GRM3: variants seen among roughly 807,000 people sequenced by gnomAD.
GRM3 encodes the protein glutamate metabotropic receptor 3.
Under a neutral mutation model 70.5 loss-of-function variants are expected in GRM3, and 26 were observed. The ratio of observed to expected loss-of-function variants is 0.37; its 90% CI spans 0.27 to 0.51. GRM3 has a LOEUF of 0.51. GRM3 is among the 20% of genes least tolerant of loss of function. The pLI, the probability that GRM3 is intolerant of heterozygous loss-of-function variation, is 0.93. For synonymous variants in GRM3, 443 were observed against 434.9 expected, an observed-to-expected ratio of 1.02 and a Z score of -0.23; for missense variants, 859 against 1,123.8, an observed-to-expected ratio of 0.76 and a Z score of 3.37.
chr7:86,714,878 A>G (rs894189595), intron 1 of GRM3, among the ~76,000 whole-genome samples: 23 of 151,994 alleles, frequency 1.5e-4, no homozygotes, highest in African/African-American at 5.3e-4. Flanking sequence ...AAATTATAAA[A>G]AGAGCTCGAT....
chr7:86,678,649 A>C (rs1184511578), intron 1 of GRM3, among the ~76,000 whole-genome samples: 1 of 152,084 alleles, frequency 6.6e-6, no homozygotes, highest in Non-Finnish European at 1.5e-5. Flanking sequence ...CATAGCAATT[A>C]GGAAAGGTGA....
chr7:86,857,764 T>C (rs1410860010), intron 5 of GRM3, among the ~76,000 whole-genome samples: 1 of 152,068 alleles, frequency 6.6e-6, no homozygotes, highest in African/African-American at 2.4e-5. Context: ...CATATTTTGA[T>C]AGAAAAGAGG....
intron 2 of GRM3, among the ~76,000 whole-genome samples, chr7:86,776,378 C>T (rs760853387): frequency 7.2e-5 from 11 of 152,100 alleles, no homozygotes; most frequent in Non-Finnish European, 1.5e-4. Context: ...TGCTTCAATA[C>T]CATTTGCTTC....
intron 1 of GRM3, among the ~76,000 whole-genome samples, chr7:86,741,973 A>T (rs1796001163): frequency 6.6e-6 from 1 of 151,198 alleles, no homozygotes; most frequent in Non-Finnish European, 1.5e-5. Flanking sequence ...AATGGCTTAA[A>T]ATGATACATT....
At chr7:86,820,233 T>C (rs891251339) in intron 3 of GRM3, among the ~76,000 whole-genome samples, 1 of 152,052 alleles carries the variant, frequency 6.6e-6, no homozygotes, top group Non-Finnish European at 1.5e-5. Flanking sequence ...AAACCAAATA[T>C]CGAATGGTTT....
chr7:86,847,963 A>G (rs1798687215), intron 4 of GRM3, among the ~76,000 whole-genome samples: 2 of 152,158 alleles, frequency 1.3e-5, no homozygotes, highest in South Asian at 2.1e-4. Context: ...TGCTCCTTCC[A>G]TTATCTCTTC....
chr7:86,791,120 A>T (rs549096569), intron 3 of GRM3, among the ~76,000 whole-genome samples: 3 of 152,264 alleles, frequency 2.0e-5, no homozygotes, highest in African/African-American at 7.2e-5. Flanking sequence ...ACCCAAACTT[A>T]CGTTTTCTTC....
chr7:86,864,571 G>T lies in GRM3; in HGVS notation c.*216G>T. The T allele has an allele frequency of 1.1e-5, 4 of 351,888 alleles. No individual in the cohort carries two copies. Among genetic ancestry groups the T allele is most frequent in the African/African-American group, 2.3e-5 (1 of 43,186 alleles). 21.8% of individuals were successfully genotyped at this position (351,888 alleles called of 1,614,324 possible). A position where few individuals can be genotyped will look rare whatever the true frequency, so the allele number is the denominator to read the frequency against. ...TTATTAACAATTCCCCCAGAACATGGAAATAACCATTGTTTACAGAGCTGA... is the reference window on the plus strand; with the variant it reads ...TTATTAACAATTCCCCCAGAACATGTAAATAACCATTGTTTACAGAGCTGA... On this transcript the variant is annotated 3_prime_UTR_variant, in exon 6 of 6. Coordinates refer to ENST00000361669, the MANE Select transcript of GRM3 (RefSeq NM_000840.3).
intron 3 of GRM3, among the ~76,000 whole-genome samples, chr7:86,838,074 G>T (rs1039297561): frequency 8.5e-5 from 13 of 152,116 alleles, no homozygotes; most frequent in African/African-American, 2.9e-4. Flanking sequence ...AAAGAGACAG[G>T]GTTGAGGGTG....
chr7:86,696,838 T>C (rs892701643), intron 1 of GRM3, among the ~76,000 whole-genome samples: 14 of 152,122 alleles, frequency 9.2e-5, no homozygotes, highest in Admixed American at 2.6e-4. Context: ...CTTAAACCCA[T>C]TGTACAGATG....
intron 1 of GRM3, among the ~76,000 whole-genome samples, chr7:86,702,457 C>T (rs1480225819): frequency 6.6e-6 from 1 of 151,992 alleles, no homozygotes; most frequent in East Asian, 1.9e-4. Context: ...ACAGAAAACA[C>T]AGGGTTATCA....
At chr7:86,864,244 GACTA>G (rs1799018852) in intron 5 of GRM3, 34 bp from the exon 6 acceptor site, 2 of 1,015,970 alleles carry the variant, frequency 2.0e-6, no homozygotes, top group South Asian at 2.5e-5. Context: ...TGTCCCACTT[GACTA>G]ACTTTGAGTT....
intron 4 of GRM3, among the ~76,000 whole-genome samples, chr7:86,844,689 A>G (rs988142995): frequency 7.2e-5 from 11 of 152,114 alleles, no homozygotes; most frequent in African/African-American, 2.7e-4. Context: ...AACAATGGAG[A>G]TGGTTAGAAG....
intron 1 of GRM3, among the ~76,000 whole-genome samples, chr7:86,658,986 T>C (rs1488712776): frequency 2.6e-5 from 4 of 152,182 alleles, no homozygotes; most frequent in African/African-American, 9.7e-5. Context: ...TATCTGTTCA[T>C]CTTAAGCCAT....
rs2116541028 is a variant in GRM3, at chr7:86,786,339, C to T, written c.547C>T (p.Arg183Cys). 6.2e-7 allele frequency: 1 copy of T among 1,614,158 alleles called. No individual in the cohort carries two copies. Residue 183 changes from arginine to cysteine, a missense_variant, in exon 3 of 6, where the codon CGC becomes TGC. By Grantham distance (180) the Arg-to-Cys change is radical. Transcript: ENST00000361669. The surrounding 1 kb of genome is among the most constrained non-coding windows in gnomAD (Gnocchi z 6.0). Reference sequence around the variant, plus strand: ...CAGCGCCAAACTCAGTGATAAGTCGCGCTATGATTACTTTGCCAGGACCGT... The same window carrying T: ...CAGCGCCAAACTCAGTGATAAGTCGTGCTATGATTACTTTGCCAGGACCGT... ...STSAKLSDKS[R>C]YDYFARTVPP...
At chr7:86,798,909 G>A (rs1281634118) in intron 3 of GRM3, among the ~76,000 whole-genome samples, 1 of 152,112 alleles carries the variant, frequency 6.6e-6, no homozygotes, top group East Asian at 1.9e-4. Context: ...GTGACTTTGT[G>A]TTCATTCACC....
chr7:86,703,670 T>C (rs143144982), intron 1 of GRM3, among the ~76,000 whole-genome samples: 15 of 152,100 alleles, frequency 9.9e-5, no homozygotes, highest in African/African-American at 3.4e-4. Flanking sequence ...CATTCCCATC[T>C]GCCTTTGACT....
chr7:86,676,438 A>T (rs1403543990), intron 1 of GRM3, among the ~76,000 whole-genome samples: 2 of 17,236 alleles, frequency 1.2e-4, no homozygotes, highest in African/African-American at 4.4e-4. Context: ...GCAGCAGGAT[A>T]ATGGGGACTG....
Position 86,765,614 on chromosome 7 carries a change from G to A in GRM3, c.468+1G>A. The A allele has an allele frequency of 6.2e-7, 1 of 1,609,008 alleles. No homozygotes were observed. Among genetic ancestry groups the A allele is most frequent in the Non-Finnish European group, 8.5e-7 (1 of 1,176,078 alleles). On this transcript the variant is annotated splice_donor_variant, in intron 2 of 5. Coordinates refer to ENST00000361669, the MANE Select transcript of GRM3 (RefSeq NM_000840.3). LOFTEE classifies it high-confidence loss of function. Reference sequence around the variant, plus strand: ...CTCTTATAGCAGTGTTTCCATACAGGTAAGATTGGCTAATGCTATTGCTAA... The same window carrying A: ...CTCTTATAGCAGTGTTTCCATACAGATAAGATTGGCTAATGCTATTGCTAA...
Sources: allele counts gnomAD v4.1 joint callset (sites outside exome capture counted in the v4.1 genomes callset), GRCh38; gene constraint gnomAD v4.1.1; non-coding constraint Gnocchi (gnomAD v3.1); transcripts MANE v1.5; gene names NCBI Gene and HGNC (gene_info 2026-07-23, HGNC 2026-07-21).